The following CBX5 variants were observed in gnomAD, a reference collection of about 807,000 sequenced individuals.
CBX5 encodes the protein chromobox protein homolog 5.
CBX5 carries 7 observed loss-of-function variants against 20.7 expected under a neutral mutation model. That is an observed-to-expected ratio of 0.34 (90% CI 0.19 to 0.63). The LOEUF is 0.63. Ranked by LOEUF, CBX5 falls within the 30% of genes least tolerant of loss-of-function variation. The pLI, the probability that CBX5 is intolerant of heterozygous loss-of-function variation, is 0.75. For missense variants in CBX5, 110 were observed against 224.1 expected (o/e 0.49, Z 3.25); for synonymous variants, 78 against 77.0 (o/e 1.01, Z -0.07).
chr12:54,259,801 C>G (rs1284296512), intron 1 of CBX5, among the ~76,000 whole-genome samples: 2 of 152,264 alleles, frequency 1.3e-5, no homozygotes. Context: ...AAGGGAATTA[C>G]TTCTTAGGTT....
At chr12:54,265,421 T>C (rs1270826760) in intron 1 of CBX5, among the ~76,000 whole-genome samples, 1 of 152,236 alleles carries the variant, frequency 6.6e-6, no homozygotes, top group East Asian at 1.9e-4. Context: ...ATTAGCCATG[T>C]GGCATTTTAA....
In CBX5 at chr12:54,241,492, A is replaced by C; in HGVS notation, c.*263T>G. On this transcript the variant is annotated 3_prime_UTR_variant, in exon 5 of 5. Transcript: ENST00000209875. The stretch of plus-strand genomic sequence containing the variant: ...TTGAGGTCACAGGGAAGCAGAAGGA[A>C]GAGATCAGGGCAAAGGAAAAAAAAA... The C allele has an allele frequency of 4.4e-5, 15 of 342,520 alleles. No homozygotes were observed. Among genetic ancestry groups the C allele is most frequent in the Middle Eastern group, 8.2e-4 (1 of 1,218 alleles). 21.2% of individuals were successfully genotyped at this position (342,520 alleles called of 1,614,324 possible).
intron 2 of CBX5, among the ~76,000 whole-genome samples, chr12:54,255,148 C>T (rs1230768343): frequency 1.3e-5 from 2 of 152,068 alleles, no homozygotes; most frequent in Non-Finnish European, 1.5e-5. Flanking sequence ...CTGGGTTGGC[C>T]AGGAATAGTG....
Position 54,233,392 on chromosome 12 carries a change from G to T in CBX5, c.*8363C>A, listed in dbSNP as rs970013493. ...AGGAGGTGAGGGGTGAGGGTGACAC[G>T]AGACAAACACCAAACTCACCACCAG... On this transcript the variant is annotated 3_prime_UTR_variant, in exon 5 of 5. Transcript: ENST00000209875. 1 of 152,126 alleles carries T rather than the reference G, an allele frequency of 6.6e-6. No individual in the cohort carries two copies. The highest frequency in any genetic ancestry group is 1.5e-5 in the Non-Finnish European group (1 of 68,028). The allele number at this position is 152,126 out of a possible 1,614,324, so 9.4% of individuals were successfully genotyped here.
chr12:54,267,902 G>A (rs989658423), intron 1 of CBX5, among the ~76,000 whole-genome samples: 12 of 152,192 alleles, frequency 7.9e-5, no homozygotes, highest in African/African-American at 2.2e-4. Flanking sequence ...CCAGCATTTT[G>A]GGAGGTGGAG....
At chr12:54,261,282 G>C (rs115229588) in intron 1 of CBX5, among the ~76,000 whole-genome samples, 1 of 151,002 alleles carries the variant, frequency 6.6e-6, no homozygotes, top group African/African-American at 2.4e-5. Context: ...TAAGACCAAA[G>C]TAGAAATTTT....
At chr12:54,268,976 T>C (rs897402669) in intron 1 of CBX5, among the ~76,000 whole-genome samples, 1 of 152,148 alleles carries the variant, frequency 6.6e-6, no homozygotes, top group Non-Finnish European at 1.5e-5. Context: ...AAAATAACTG[T>C]TTTGGGCCAG....
At chr12:54,265,825 T>C (rs974337354) in intron 1 of CBX5, among the ~76,000 whole-genome samples, 1 of 151,954 alleles carries the variant, frequency 6.6e-6, no homozygotes, top group Non-Finnish European at 1.5e-5. Context: ...GGCAGATCGA[T>C]CACTTGACGT....
intron 2 of CBX5, among the ~76,000 whole-genome samples, chr12:54,253,508 T>C (rs1943830300): frequency 6.6e-6 from 1 of 152,054 alleles, no homozygotes; most frequent in Admixed American, 6.6e-5. Context: ...AGCAGATCAC[T>C]TGAGCCCAAC....
intron 3 of CBX5, among the ~76,000 whole-genome samples, chr12:54,249,951 G>A (rs1205107992): frequency 6.6e-6 from 1 of 152,178 alleles, no homozygotes; most frequent in Non-Finnish European, 1.5e-5. Flanking sequence ...AGCCAGGCAT[G>A]GTGGCTCACA....
At chr12:54,269,626 A>T (rs1943991034) in intron 1 of CBX5, among the ~76,000 whole-genome samples, 1 of 152,100 alleles carries the variant, frequency 6.6e-6, no homozygotes, top group Admixed American at 6.5e-5. Flanking sequence ...TGACCTCGTG[A>T]TCCACCCACC....
chr12:54,244,229 C>G (rs1050132167), intron 4 of CBX5, among the ~76,000 whole-genome samples: 1 of 150,830 alleles, frequency 6.6e-6, no homozygotes, highest in Non-Finnish European at 1.5e-5. Flanking sequence ...TGGTCTTGAT[C>G]TCCTGACCTT....
chr12:54,258,534 T>A (rs1006729218), intron 1 of CBX5: 1 of 152,100 alleles, frequency 6.6e-6, no homozygotes, highest in Non-Finnish European at 1.5e-5. Context: ...AGCATCAACA[T>A]GAAGCCTCCT....
chr12:54,266,488 T>C (rs879460863), intron 1 of CBX5, among the ~76,000 whole-genome samples: 1 of 152,210 alleles, frequency 6.6e-6, no homozygotes, highest in East Asian at 1.9e-4. Context: ...ATTTGGGAGG[T>C]TGAGGCAGGA....
chr12:54,249,975 C>T (rs1341358040), intron 3 of CBX5, among the ~76,000 whole-genome samples: 3 of 152,152 alleles, frequency 2.0e-5, no homozygotes, highest in Non-Finnish European at 4.4e-5. Flanking sequence ...GTAATCCCAA[C>T]ACTTTGGGAG....
At chr12:54,260,203 G>C (rs1943903177) in intron 1 of CBX5, among the ~76,000 whole-genome samples, 1 of 151,204 alleles carries the variant, frequency 6.6e-6, no homozygotes, top group African/African-American at 2.4e-5. Flanking sequence ...AAAATTAGAG[G>C]TGGAGGGCCA....
chr12:54,249,478 T>C (rs751361143), intron 3 of CBX5, among the ~76,000 whole-genome samples: 1 of 151,886 alleles, frequency 6.6e-6, no homozygotes, highest in Non-Finnish European at 1.5e-5. Context: ...ATGTGTAGCA[T>C]TGAGAACTAA....
intron 1 of CBX5, among the ~76,000 whole-genome samples, chr12:54,268,983 C>T (rs1943982738): frequency 2.0e-5 from 3 of 152,170 alleles, no homozygotes; most frequent in African/African-American, 7.2e-5. Context: ...CTGTTTTGGG[C>T]CAGGCACGGT....
intron 3 of CBX5, among the ~76,000 whole-genome samples, chr12:54,251,692 A>C (rs998540367): frequency 6.6e-6 from 1 of 152,026 alleles, no homozygotes; most frequent in Non-Finnish European, 1.5e-5. Context: ...CTCAAAACAA[A>C]ACAAAACATT....
Sources: gnomAD v4.1 joint callset for allele counts (sites outside exome capture counted in the v4.1 genomes callset) on GRCh38, gnomAD v4.1.1 for gene constraint, MANE v1.5 for transcripts, NCBI Gene and HGNC (gene_info 2026-07-23, HGNC 2026-07-21) for gene names.